LGR5: variants seen among roughly 807,000 people sequenced by gnomAD.
The protein encoded by LGR5 is leucine-rich repeat-containing G protein-coupled receptor 5.
In LGR5, 54 loss-of-function variants were observed where a neutral mutation model predicts 76.7. The ratio of observed to expected loss-of-function variants is 0.70; its 90% CI spans 0.57 to 0.88. The LOEUF is 0.88. Among genes scored for constraint, LGR5 ranks in the 40% least tolerant of loss-of-function variants. LGR5 has a pLI of 0.00. For missense variants in LGR5, 1,078 were observed against 1,073.3 expected (o/e 1.00, Z -0.06); for synonymous variants, 406 against 421.9 (o/e 0.96, Z 0.46).
At chr12:71,485,028 A>G (rs903679476) in intron 1 of LGR5, among the ~76,000 whole-genome samples, 2 of 152,216 alleles carry the variant, frequency 1.3e-5, no homozygotes, top group African/African-American at 4.8e-5. Context: ...AATTTTCAAG[A>G]TAACTATAAA....
At chr12:71,456,604 A>G (rs1475957402) in intron 1 of LGR5, among the ~76,000 whole-genome samples, 1 of 152,148 alleles carries the variant, frequency 6.6e-6, no homozygotes, top group Non-Finnish European at 1.5e-5. Flanking sequence ...TATTTTTCAA[A>G]TGGGCAGCTG....
chr12:71,533,705 C>T (rs959770750), intron 3 of LGR5, among the ~76,000 whole-genome samples: 8 of 152,168 alleles, frequency 5.3e-5, no homozygotes, highest in Admixed American at 4.6e-4. Context: ...GAATGCTTAT[C>T]ATGTAGCAAG....
At chr12:71,514,559 C>A (rs1875341726) in intron 2 of LGR5, among the ~76,000 whole-genome samples, 2 of 110,666 alleles carry the variant, frequency 1.8e-5, no homozygotes. Flanking sequence ...AAGAGCAAGA[C>A]TCCCTCTCAA....
rs1878376520 is a variant in LGR5 at position 71,566,899 on chromosome 12, A to C, written c.1057A>C (p.Asn353His). The C allele has an allele frequency of 4.3e-6, 7 of 1,612,590 alleles. No individual in the cohort carries two copies. The highest frequency in any genetic ancestry group is 5.9e-6 in the Non-Finnish European group (7 of 1,178,712). The change falls in exon 11 of 18, where the codon AAT (asparagine) becomes CAT (histidine). Residue 353 changes from asparagine (N) to histidine (H), a missense_variant. Asn to His is a moderately conservative substitution (Grantham distance 68). Transcript: ENST00000266674. ...TCAAACCGTCTGCAATCAGTTACCT[A>C]ATCTCCAAGTGCTGTGCGTATCAGT... is the stretch of plus-strand genomic sequence containing the variant. ...LPQTVCNQLP[N>H]LQVLDLSYNL... is the part of the protein sequence containing the mutation.
intron 8 of LGR5, 129 bp from the exon 9 acceptor site, chr12:71,566,275 G>A (rs1270795804): frequency 2.8e-5 from 18 of 645,522 alleles, no homozygotes; most frequent in Non-Finnish European, 4.7e-5. Flanking sequence ...CAAGGAATTG[G>A]GAATGTTATG....
chr12:71,497,897 C>G (rs1874406315), intron 1 of LGR5, among the ~76,000 whole-genome samples: 1 of 152,168 alleles, frequency 6.6e-6, no homozygotes, highest in African/African-American at 2.4e-5. Context: ...TCCTTGTTCA[C>G]TGATTCAAAT....
chr12:71,573,730 A>G (rs1335763452), intron 13 of LGR5, among the ~76,000 whole-genome samples: 2 of 152,056 alleles, frequency 1.3e-5, no homozygotes, highest in Non-Finnish European at 2.9e-5. Flanking sequence ...CCTTTGGTAA[A>G]ATAATACTAT....
chr12:71,505,933 A>G (rs4337132), intron 2 of LGR5, among the ~76,000 whole-genome samples: 14,050 of 152,084 alleles, frequency 0.092, 694 homozygotes, highest in Non-Finnish European at 0.11. Flanking sequence ...TCCATTGCTA[A>G]GATTTAACCT....
intron 3 of LGR5, among the ~76,000 whole-genome samples, chr12:71,533,117 G>A (rs977344861): frequency 1.3e-5 from 2 of 152,054 alleles, no homozygotes; most frequent in African/African-American, 4.8e-5. Context: ...GGTTGAGGTG[G>A]GAGGATCACT....
intron 3 of LGR5, 84 bp downstream of exon 3, chr12:71,524,561 T>C (rs1005116887): frequency 2.3e-6 from 2 of 885,512 alleles, no homozygotes; most frequent in Non-Finnish European, 3.7e-6. Context: ...TGAGTGTCTC[T>C]AATACACTAT....
At chr12:71,496,583 T>C (rs1874334846) in intron 1 of LGR5, among the ~76,000 whole-genome samples, 4 of 152,204 alleles carry the variant, frequency 2.6e-5, no homozygotes, top group Admixed American at 2.6e-4. Context: ...CTCCCAGATA[T>C]GTACCTAACA....
At position 71,440,882 on chromosome 12, in the gene LGR5, C is replaced by A. The variant is rs1357531304; in HGVS notation, c.212+590C>A. ...TCCCTCCCTCCTTTCTTTTTATTTT[C>A]TTTCTTTTTTAACGGCGTGATTAAA... On this transcript the variant is annotated intron_variant, in intron 1 of 17. Coordinates refer to ENST00000266674, the MANE Select transcript of LGR5 (RefSeq NM_003667.4). The surrounding 1 kb of genome is among the most constrained non-coding windows in gnomAD (Gnocchi z 5.3). Among the ~76,000 whole-genome samples the A allele has an allele frequency of 6.6e-6, 1 of 151,666 alleles. No homozygotes were observed. Among genetic ancestry groups the A allele is most frequent in the Non-Finnish European group, 1.5e-5 (1 of 67,946 alleles).
chr12:71,486,926 C>CT (rs1254209573), intron 1 of LGR5, among the ~76,000 whole-genome samples: 1 of 152,060 alleles, frequency 6.6e-6, no homozygotes, highest in Non-Finnish European at 1.5e-5. Context: ...ATGAGGGCCA[C>CT]TTCATGTACA....
At chr12:71,568,724 C>T (rs1425091124) in intron 11 of LGR5, among the ~76,000 whole-genome samples, 1 of 152,114 alleles carries the variant, frequency 6.6e-6, no homozygotes, top group Non-Finnish European at 1.5e-5. Context: ...AACCCCAGAG[C>T]CTCACCCCTA....
At chr12:71,551,575 A>G (rs1322491134) in intron 4 of LGR5, among the ~76,000 whole-genome samples, 4 of 152,186 alleles carry the variant, frequency 2.6e-5, no homozygotes, top group Non-Finnish European at 5.9e-5. Flanking sequence ...GAGCTGTTGG[A>G]AGCATAGTTT....
chr12:71,560,092 T>G (rs1877981033), intron 7 of LGR5, among the ~76,000 whole-genome samples: 1 of 152,162 alleles, frequency 6.6e-6, no homozygotes, highest in Non-Finnish European at 1.5e-5. Context: ...ATGAGATGCA[T>G]TCACATACAT....
rs766098378 is a variant in LGR5 at position 71,440,211 on chromosome 12, G to T, written c.131G>T (p.Gly44Val). 8.7e-6 allele frequency: 14 copies of T among 1,612,892 alleles called. No individual in the cohort carries two copies. The Admixed American group carries it at 2.3e-4, about 27-fold the overall frequency. Reference sequence around the variant, plus strand: ...ACACACTGTCATTGCGAGCCCGACGGCAGGATGTTGCTCAGGGTGGACTGC... The same window carrying T: ...ACACACTGTCATTGCGAGCCCGACGTCAGGATGTTGCTCAGGGTGGACTGC... ...CPTHCHCEPD[G>V]RMLLRVDCSD... is the part of the protein sequence containing the mutation. Residue 44 changes from glycine (G) to valine (V), a missense_variant, in exon 1 of 18, where the codon GGC becomes GTC. By Grantham distance (109) the Gly-to-Val change is moderately radical. Coordinates refer to ENST00000266674, the MANE Select transcript of LGR5 (RefSeq NM_003667.4). This position sits in a 1 kb window ranked among gnomAD's most constrained non-coding sequence, Gnocchi z 5.3.
intron 11 of LGR5, among the ~76,000 whole-genome samples, chr12:71,567,476 C>T (rs938409020): frequency 6.6e-6 from 1 of 152,148 alleles, no homozygotes; most frequent in Non-Finnish European, 1.5e-5. Flanking sequence ...TTCAAGGAGA[C>T]TTGTTTTGAC....
intron 1 of LGR5, chr12:71,441,674 G>T (rs1331395656): frequency 9.2e-5 from 14 of 152,158 alleles, no homozygotes; most frequent in African/African-American, 3.1e-4. Flanking sequence ...TAGATTTTAG[G>T]ATTGGTAGAT....
Sources: gnomAD v4.1 joint callset for allele counts (sites outside exome capture counted in the v4.1 genomes callset) on GRCh38, gnomAD v4.1.1 for gene constraint, Gnocchi (gnomAD v3.1) non-coding constraint, MANE v1.5 for transcripts, NCBI Gene and HGNC (gene_info 2026-07-23, HGNC 2026-07-21) for gene names.